Variants in AMBRA1 observed in about 807,000 individuals in gnomAD.
AMBRA1 encodes autophagy and beclin 1 regulator 1.
In AMBRA1, 47 loss-of-function variants were observed where a neutral mutation model predicts 125.4. That is an observed-to-expected ratio of 0.37 (90% confidence interval 0.30 to 0.48). AMBRA1 has a LOEUF of 0.48. Among genes scored for constraint, AMBRA1 ranks in the 20% least tolerant of loss-of-function variants. AMBRA1 has a pLI of 0.99. For synonymous variants in AMBRA1, 626 were observed against 655.5 expected, an observed-to-expected ratio of 0.95 and a Z score of 0.69; for missense variants, 1,331 against 1,693.4, an observed-to-expected ratio of 0.79 and a Z score of 3.76.
intron 14 of AMBRA1, among the ~76,000 whole-genome samples, chr11:46,423,642 C>T (rs1207343363): frequency 1.3e-5 from 2 of 152,096 alleles, no homozygotes; most frequent in Non-Finnish European, 2.9e-5. Context: ...CTGCCTGCCT[C>T]GGCCTCCCAA....
chr11:46,404,864 G>A (rs552370954), intron 17 of AMBRA1, among the ~76,000 whole-genome samples: 1 of 152,324 alleles, frequency 6.6e-6, no homozygotes, highest in Non-Finnish European at 1.5e-5. Flanking sequence ...GAAATGGGCT[G>A]CATGCTAACC....
At chr11:46,540,229 A>G (rs1481460651) in intron 7 of AMBRA1, among the ~76,000 whole-genome samples, 1 of 152,254 alleles carries the variant, frequency 6.6e-6, no homozygotes, top group Non-Finnish European at 1.5e-5. Flanking sequence ...CTAAAGCAGA[A>G]TGGACAAAAG....
chr11:46,558,828 C>T (rs970638877), intron 1 of AMBRA1, among the ~76,000 whole-genome samples: 1 of 152,114 alleles, frequency 6.6e-6, no homozygotes, highest in Non-Finnish European at 1.5e-5. Context: ...GTCCCAGTAC[C>T]TAGCACAATG....
chr11:46,565,378 T>C (rs1328689824), intron 1 of AMBRA1, among the ~76,000 whole-genome samples: 1 of 152,112 alleles, frequency 6.6e-6, no homozygotes, highest in Non-Finnish European at 1.5e-5. Context: ...TGCTTGGGCA[T>C]TTATCCAGAA....
chr11:46,506,363 A>C (rs550617550), intron 9 of AMBRA1, among the ~76,000 whole-genome samples: 1 of 152,232 alleles, frequency 6.6e-6, no homozygotes, highest in Non-Finnish European at 1.5e-5. Context: ...TAAACCTCCC[A>C]CTTAGTTTTC....
chr11:46,522,188 C>T (rs1951790937), intron 7 of AMBRA1, among the ~76,000 whole-genome samples: 1 of 152,208 alleles, frequency 6.6e-6, no homozygotes, highest in South Asian at 2.1e-4. Context: ...ATATGACCCT[C>T]TGCTAACTGT....
At chr11:46,448,056 T>C (rs1317129290) in intron 11 of AMBRA1, among the ~76,000 whole-genome samples, 1 of 152,224 alleles carries the variant, frequency 6.6e-6, no homozygotes, top group Non-Finnish European at 1.5e-5. Flanking sequence ...TAGAGAGATG[T>C]CCTTGTGTAA....
chr11:46,590,978 A>G (rs1476695485), intron 1 of AMBRA1: 2 of 152,146 alleles, frequency 1.3e-5, no homozygotes, highest in African/African-American at 4.8e-5. Context: ...AAAGCATGAG[A>G]TAAGTTGATT....
intron 11 of AMBRA1, among the ~76,000 whole-genome samples, chr11:46,447,161 C>A (rs1948330593): frequency 6.6e-6 from 1 of 152,012 alleles, no homozygotes; most frequent in African/African-American, 2.4e-5. Flanking sequence ...ATAACCCCAG[C>A]ACTTTGGGAG....
At chr11:46,428,528 A>T in intron 14 of AMBRA1, 1 of 859,540 alleles carries the variant, frequency 1.2e-6, no homozygotes. Flanking sequence ...TCAAGTTCCT[A>T]GTGCCTCTAG....
At chr11:46,532,391 TAGG>T (rs1952257805) in intron 7 of AMBRA1, among the ~76,000 whole-genome samples, 1 of 152,220 alleles carries the variant, frequency 6.6e-6, no homozygotes. Context: ...AAACCCGTAG[TAGG>T]AGAATTTACT....
chr11:46,495,631 T>C (rs1228779680), intron 9 of AMBRA1: 2 of 152,190 alleles, frequency 1.3e-5, no homozygotes, highest in Non-Finnish European at 2.9e-5. Context: ...AAGAGAACAA[T>C]GGAATCAGGA....
At chr11:46,499,456 A>G (rs1950751401) in intron 9 of AMBRA1, among the ~76,000 whole-genome samples, 1 of 152,186 alleles carries the variant, frequency 6.6e-6, no homozygotes, top group African/African-American at 2.4e-5. Context: ...ATTAATTCTA[A>G]AGTTGCTAAG....
chr11:46,587,755 A>C (rs2044454553), intron 1 of AMBRA1, among the ~76,000 whole-genome samples: 1 of 152,214 alleles, frequency 6.6e-6, no homozygotes, highest in African/African-American at 2.4e-5. Flanking sequence ...CACTGGAATA[A>C]ACTCCATAAG....
chr11:46,516,423 CTTTTTTTT>C (rs1162985350), intron 7 of AMBRA1, among the ~76,000 whole-genome samples: 9 of 73,184 alleles, frequency 1.2e-4, no homozygotes, highest in East Asian at 8.6e-4. Context: ...AAAGATCTTT[CTTTTTTTT>C]TTTTTTTTTT....
chr11:46,447,976 T>G (rs1424602344), intron 11 of AMBRA1, among the ~76,000 whole-genome samples: 1 of 152,236 alleles, frequency 6.6e-6, no homozygotes, highest in Non-Finnish European at 1.5e-5. Flanking sequence ...ATCTGTCATC[T>G]ACTCCAATCT....
chr11:46,571,719 C>T (rs2043764636), intron 1 of AMBRA1, among the ~76,000 whole-genome samples: 1 of 94 alleles, frequency 0.011, no homozygotes, highest in South Asian at 0.25. Context: ...GACAAAGTGT[C>T]CCTCTGTCGC....
intron 15 of AMBRA1, among the ~76,000 whole-genome samples, chr11:46,415,055 C>T (rs1050839603): frequency 2.0e-5 from 3 of 152,166 alleles, no homozygotes; most frequent in South Asian, 4.2e-4. Flanking sequence ...CCACCTGTTT[C>T]GGAGGGAGGG....
intron 7 of AMBRA1, among the ~76,000 whole-genome samples, chr11:46,529,684 A>G (rs1952128082): frequency 6.6e-6 from 1 of 152,178 alleles, no homozygotes; most frequent in South Asian, 2.1e-4. Context: ...ATTCCTGCTG[A>G]CTGTTAGGTG....
Sources: gnomAD v4.1 joint callset for allele counts (sites outside exome capture counted in the v4.1 genomes callset) on GRCh38, gnomAD v4.1.1 for gene constraint, MANE v1.5 for transcripts, NCBI Gene and HGNC (gene_info 2026-07-23, HGNC 2026-07-21) for gene names.